Variants in PTPRF observed in about 807,000 individuals in gnomAD.
The protein encoded by PTPRF is protein tyrosine phosphatase receptor type F.
In PTPRF, 59 loss-of-function variants were observed where a neutral mutation model predicts 201.8. That is an observed-to-expected ratio of 0.29 (90% CI 0.24 to 0.36). The LOEUF is 0.36. Among genes scored for constraint, PTPRF ranks in the 10% least tolerant of loss-of-function variants. The pLI is 1.00. For synonymous variants in PTPRF, 1,088 were observed against 1,089.7 expected, an observed-to-expected ratio of 1.00 and a Z score of 0.03; for missense variants, 2,132 against 2,690.5, an observed-to-expected ratio of 0.79 and a Z score of 4.59.
At chr1:43,605,881 C>T (rs528511656) in intron 19 of PTPRF, among the ~76,000 whole-genome samples, 4 of 152,206 alleles carry the variant, frequency 2.6e-5, no homozygotes, top group Non-Finnish European at 2.9e-5. Flanking sequence ...TAGAGAATGC[C>T]AAGCCCTGTA....
chr1:43,605,700 C>G, intron 19 of PTPRF, 78 bp downstream of exon 19: 5 of 1,358,146 alleles, frequency 3.7e-6, no homozygotes, highest in Non-Finnish European at 5.2e-6. Flanking sequence ...GAGCACTGTC[C>G]CAGTGACTCT....
chr1:43,583,516 C>T (rs966782891), intron 7 of PTPRF, among the ~76,000 whole-genome samples: 2 of 152,200 alleles, frequency 1.3e-5, no homozygotes, highest in African/African-American at 2.4e-5. Context: ...CCTTTCACCG[C>T]CCTCCTCGCC....
intron 3 of PTPRF, among the ~76,000 whole-genome samples, chr1:43,548,052 C>G (rs1169798404): frequency 6.7e-6 from 1 of 150,308 alleles, no homozygotes; most frequent in East Asian, 2.0e-4. Flanking sequence ...GCAGAAGCAT[C>G]TTGGGAGAGG....
At position 43,620,593 on chromosome 1, in the gene PTPRF, T is replaced by C. The variant is rs369435320; in HGVS notation, c.5364+14T>C. The C allele has an allele frequency of 1.9e-5, 30 of 1,612,380 alleles. No individual in the cohort carries two copies. Among genetic ancestry groups the C allele is most frequent in the Non-Finnish European group, 2.5e-5 (30 of 1,179,068 alleles). On this transcript the variant is annotated intron_variant, in intron 31 of 33. Transcript: ENST00000359947. The stretch of plus-strand genomic sequence containing the variant: ...ACGGATGCCCGGGTGAGTGAGTGCA[T>C]TGAGTGTGTCCATAACGCTGCCTGT...
intron 22 of PTPRF, 87 bp from the exon 23 acceptor site, chr1:43,613,531 A>T: frequency 9.3e-7 from 1 of 1,073,600 alleles, no homozygotes; most frequent in Admixed American, 1.7e-5. Flanking sequence ...ACATGTTCAC[A>T]TGTGCACATA....
rs199816949 is a variant in PTPRF, at chr1:43,605,602, G to A, written c.3463G>A (p.Glu1155Lys). The A allele has an allele frequency of 2.5e-4, 401 of 1,614,018 alleles. No individual in the cohort carries two copies. The highest frequency in any genetic ancestry group is 5.5e-4 in the Admixed American group (33 of 60,014). ...GCTGACGCCAAGGTGGAGCACACCC[G>A]AGGAACTGGAGCTGGACGAGGTACC... ...SMLTPRWSTPEELELDELLEA... is the reference protein window; with the variant it reads ...SMLTPRWSTPKELELDELLEA... The change falls in exon 19 of 34, where the codon GAG (glutamate) becomes AAG (lysine). Residue 1155 changes from glutamate (E) to lysine (K), a missense_variant. Glu to Lys is a moderately conservative substitution (Grantham distance 56, BLOSUM62 1). This residue lies in a region of PTPRF where 818 missense variants were observed against 915.3 expected (regional missense o/e 0.89). Coordinates refer to ENST00000359947, the MANE Select transcript of PTPRF (RefSeq NM_002840.5).
chr1:43,605,707 C>A, intron 19 of PTPRF, 85 bp downstream of exon 19: 3 of 1,273,336 alleles, frequency 2.4e-6, no homozygotes, highest in Admixed American at 1.8e-5. Flanking sequence ...GTCCCAGTGA[C>A]TCTCAGATTC....
At chr1:43,612,818 C>T in intron 22 of PTPRF, 3 of 1,362,640 alleles carry the variant, frequency 2.2e-6, no homozygotes, top group Non-Finnish European at 2.9e-6. Context: ...TTCAAAGTTC[C>T]CGTGTTTGGG....
In PTPRF at chr1:43,551,651, A is replaced by G. The variant is rs186374091; in HGVS notation, c.92-1841A>G. Among the ~76,000 whole-genome samples, 288 of 152,272 alleles carry G rather than the reference A, an allele frequency of 1.9e-3. 3 individuals are homozygous for G. The highest frequency in any genetic ancestry group is 6.5e-3 in the African/African-American group (270 of 41,554). On this transcript the variant is annotated intron_variant, in intron 3 of 33. Transcript: ENST00000359947. ...CATGCCTGCATCCCTCTGACTTGCC[A>G]GTCATTTCACCCTCCGAGCCTCTAT... is the stretch of plus-strand genomic sequence containing the variant.
chr1:43,566,506 G>A (rs1047080827), intron 5 of PTPRF, among the ~76,000 whole-genome samples: 2 of 152,194 alleles, frequency 1.3e-5, no homozygotes, highest in Admixed American at 6.5e-5. Flanking sequence ...TTGAGGCTGC[G>A]GTAGACCCAG....
chr1:43,551,304 A>T (rs1196767242), intron 3 of PTPRF, among the ~76,000 whole-genome samples: 1 of 151,742 alleles, frequency 6.6e-6, no homozygotes, highest in African/African-American at 2.4e-5. Flanking sequence ...GGGACAGGAG[A>T]CACCCCCAGT....
chr1:43,605,178 C>T lies in PTPRF; in HGVS notation c.3136-12C>T, dbSNP rs925586728. 15 of 1,587,138 alleles carry T rather than the reference C, an allele frequency of 9.5e-6. No individual in the cohort carries two copies. The highest frequency in any genetic ancestry group is 1.7e-4 in the Middle Eastern group (1 of 5,984). On this transcript the variant is annotated splice_polypyrimidine_tract_variant and intron_variant, in intron 17 of 33. Coordinates refer to ENST00000359947, the MANE Select transcript of PTPRF (RefSeq NM_002840.5). The stretch of plus-strand genomic sequence containing the variant: ...ACCCAAAGGCATTGATTGCCCCTCC[C>T]GTCCCCCACAGATTCTGTACAATGG...
chr1:43,523,837 C>A (rs534264817), upstream of PTPRF, among the ~76,000 whole-genome samples: 1 of 151,150 alleles, frequency 6.6e-6, no homozygotes, highest in Non-Finnish European at 1.5e-5. Context: ...CACTTGAGGC[C>A]AGGAGTTCAA....
rs1307591032 is a variant in PTPRF at position 43,554,940 on chromosome 1, G to C, written c.379+999G>C. Among the ~76,000 whole-genome samples, 2 of 147,960 alleles carry C rather than the reference G, an allele frequency of 1.4e-5. No individual in the cohort carries two copies. The highest frequency in any genetic ancestry group is 5.0e-5 in the African/African-American group (2 of 39,710). On this transcript the variant is annotated intron_variant, in intron 5 of 33. Coordinates refer to ENST00000359947, the MANE Select transcript of PTPRF (RefSeq NM_002840.5). The surrounding 1 kb of genome is among the most constrained non-coding windows in gnomAD (Gnocchi z 4.1). The stretch of plus-strand genomic sequence containing the variant: ...GTGATCTCAGCTCACTGCAACCTCT[G>C]CCTCCCGGGTTCAAGCGATTCTCCT...
intron 21 of PTPRF, 77 bp from the exon 22 acceptor site, chr1:43,609,306 T>A: frequency 8.2e-7 from 1 of 1,226,240 alleles, no homozygotes; most frequent in Non-Finnish European, 1.2e-6. Context: ...GGGGGCTCCT[T>A]GGCAGCCAGC....
At chr1:43,543,409 T>A (rs1449884083) in intron 2 of PTPRF, among the ~76,000 whole-genome samples, 5 of 152,212 alleles carry the variant, frequency 3.3e-5, no homozygotes, top group Admixed American at 3.3e-4. Context: ...GCTGGACACC[T>A]ATCAACGTTC....
At chr1:43,614,431 C>G (rs1028537671) in intron 23 of PTPRF, among the ~76,000 whole-genome samples, 3 of 152,206 alleles carry the variant, frequency 2.0e-5, no homozygotes, top group Admixed American at 6.5e-5. Flanking sequence ...CTCCTAGGAG[C>G]CTGCTGGGGG....
intron 31 of PTPRF, 87 bp from the exon 32 acceptor site, chr1:43,620,751 T>C (rs1180562344): frequency 6.5e-7 from 1 of 1,540,270 alleles, no homozygotes; most frequent in Non-Finnish European, 8.8e-7. Context: ...GATGCATGCC[T>C]GTATCATGGT....
At position 43,554,895 on chromosome 1, in the gene PTPRF, C is replaced by T. The variant is rs1645252755; in HGVS notation, c.379+954C>T. On this transcript the variant is annotated intron_variant, in intron 5 of 33. Coordinates refer to ENST00000359947, the MANE Select transcript of PTPRF (RefSeq NM_002840.5). The surrounding 1 kb of genome is among the most constrained non-coding windows in gnomAD (Gnocchi z 4.1). ...TGAGATGCAGTCTCACTCTTGTTGC[C>T]CAGGCTGGAGTGCAATGGTGTGATC... Among the ~76,000 whole-genome samples the T allele has an allele frequency of 6.7e-6, 1 of 150,026 alleles. No individual in the cohort carries two copies. The highest frequency in any genetic ancestry group is 2.5e-5 in the African/African-American group (1 of 40,566).
Sources: allele counts gnomAD v4.1 joint callset (sites outside exome capture counted in the v4.1 genomes callset), GRCh38; gene constraint gnomAD v4.1.1; regional missense constraint gnomAD v4.1.1; non-coding constraint Gnocchi (gnomAD v3.1); transcripts MANE v1.5; gene names NCBI Gene and HGNC (gene_info 2026-07-23, HGNC 2026-07-21).